The following PTPRM variants were observed in gnomAD, a reference collection of about 807,000 sequenced individuals.
PTPRM encodes protein tyrosine phosphatase receptor type M.
Under a neutral mutation model 186.7 loss-of-function variants are expected in PTPRM, and 47 were observed. The ratio of observed to expected loss-of-function variants is 0.25; its 90% confidence interval spans 0.20 to 0.32. PTPRM has a LOEUF of 0.32. PTPRM is among the 10% of genes least tolerant of loss of function. PTPRM has a pLI of 1.00. For synonymous variants in PTPRM, 668 were observed against 674.9 expected (o/e 0.99, Z 0.16); for missense variants, 1,494 against 1,865.0 (o/e 0.80, Z 3.66).
At chr18:8,259,369 C>G (rs972967457) in intron 19 of PTPRM, among the ~76,000 whole-genome samples, 10 of 152,120 alleles carry the variant, frequency 6.6e-5, no homozygotes, top group African/African-American at 2.4e-4. Context: ...AAACATTATG[C>G]CAGAATCTTC....
intron 4 of PTPRM, among the ~76,000 whole-genome samples, chr18:7,914,404 C>T (rs935024243): frequency 6.6e-6 from 1 of 152,000 alleles, no homozygotes; most frequent in Non-Finnish European, 1.5e-5. Flanking sequence ...TCAAGGAAAA[C>T]AAAACTGACT....
chr18:7,879,564 T>A (rs563736894), intron 2 of PTPRM, among the ~76,000 whole-genome samples: 72 of 152,300 alleles, frequency 4.7e-4, no homozygotes, highest in African/African-American at 1.7e-3. Context: ...AAATAATATA[T>A]TTTTCTTCAG....
chr18:7,873,467 C>T (rs1044442908), intron 2 of PTPRM, among the ~76,000 whole-genome samples: 1 of 152,138 alleles, frequency 6.6e-6, no homozygotes, highest in African/African-American at 2.4e-5. Flanking sequence ...TTAAACCCTC[C>T]TGGTTATAAA....
intron 14 of PTPRM, among the ~76,000 whole-genome samples, chr18:8,201,161 C>T (rs1336752561): frequency 6.6e-6 from 1 of 151,944 alleles, no homozygotes; most frequent in East Asian, 1.9e-4. Flanking sequence ...ACTAAAAATA[C>T]AAAAATTAGC....
chr18:7,672,998 T>C (rs1477132698), intron 1 of PTPRM, among the ~76,000 whole-genome samples: 1 of 152,206 alleles, frequency 6.6e-6, no homozygotes, highest in East Asian at 1.9e-4. Context: ...GAAAGAAGGC[T>C]CAGGAAGGTG....
intron 1 of PTPRM, among the ~76,000 whole-genome samples, chr18:7,679,196 T>C (rs981532309): frequency 6.6e-6 from 1 of 152,266 alleles, no homozygotes; most frequent in African/African-American, 2.4e-5. Context: ...CTAACTGCAG[T>C]CATTCATTAA....
intron 11 of PTPRM, among the ~76,000 whole-genome samples, chr18:8,093,209 C>T (rs1219789259): frequency 6.6e-6 from 1 of 152,038 alleles, no homozygotes; most frequent in Non-Finnish European, 1.5e-5. Flanking sequence ...TCCATTAACA[C>T]TACCTTCCTA....
rs80347365 is a variant in PTPRM at position 8,231,859 on chromosome 18, C to G, written c.2301-12199C>G. 9.9e-3 allele frequency among the ~76,000 whole-genome samples: 1,505 copies of G among 152,258 alleles called. 16 individuals are homozygous for G. The highest frequency in any genetic ancestry group is 0.017 in the Non-Finnish European group (1,148 of 68,014). On this transcript the variant is annotated intron_variant, in intron 14 of 32. Transcript: ENST00000580170. ...AGTTCCCATATAGTTCTAACACCCC[C>G]CTGCCAACACACACACACAGTATCC...
chr18:8,043,499 T>C (rs543354164), intron 7 of PTPRM, among the ~76,000 whole-genome samples: 128 of 152,326 alleles, frequency 8.4e-4, no homozygotes, highest in Non-Finnish European at 1.4e-3. Flanking sequence ...TATTCTAAGT[T>C]TACATTAGAA....
chr18:8,081,144 T>C (rs772421982), intron 9 of PTPRM, among the ~76,000 whole-genome samples: 5 of 152,178 alleles, frequency 3.3e-5, no homozygotes, highest in Non-Finnish European at 7.3e-5. Context: ...AAGTCAAAGA[T>C]TGCATGTTAT....
At chr18:8,173,877 T>A (rs780993279) in intron 14 of PTPRM, among the ~76,000 whole-genome samples, 1 of 152,202 alleles carries the variant, frequency 6.6e-6, no homozygotes, top group African/African-American at 2.4e-5. Context: ...AAGACCAGCC[T>A]GGCCAACATG....
intron 1 of PTPRM, among the ~76,000 whole-genome samples, chr18:7,633,591 C>CA (rs2038241504): frequency 6.6e-6 from 1 of 152,164 alleles, no homozygotes; most frequent in African/African-American, 2.4e-5. Flanking sequence ...GTGTGGTTGT[C>CA]ACACTTTGAC....
At chr18:8,143,022 A>G (rs2092800414) in intron 13 of PTPRM, among the ~76,000 whole-genome samples, 1 of 152,188 alleles carries the variant, frequency 6.6e-6, no homozygotes, top group African/African-American at 2.4e-5. Flanking sequence ...TGTGGGTGCC[A>G]GTGGTGTGAT....
At chr18:7,570,191 ATTAT>A (rs2036533686) in intron 1 of PTPRM, among the ~76,000 whole-genome samples, 1 of 152,162 alleles carries the variant, frequency 6.6e-6, no homozygotes, top group South Asian at 2.1e-4. Context: ...GTTTCACTTC[ATTAT>A]TTATTTTTCT....
At chr18:8,072,131 TTGAG>T (rs1184852333) in intron 8 of PTPRM, among the ~76,000 whole-genome samples, 1 of 152,216 alleles carries the variant, frequency 6.6e-6, no homozygotes, top group Non-Finnish European at 1.5e-5. Flanking sequence ...AGGCGTGATA[TTGAG>T]TAAGTAATAA....
chr18:8,164,333 A>C (rs1367499365), intron 14 of PTPRM, among the ~76,000 whole-genome samples: 3 of 152,230 alleles, frequency 2.0e-5, no homozygotes, highest in Non-Finnish European at 4.4e-5. Flanking sequence ...TTATTTACAA[A>C]AATATATTTC....
chr18:7,938,144 A>G (rs1470176618), intron 5 of PTPRM, among the ~76,000 whole-genome samples: 3 of 152,136 alleles, frequency 2.0e-5, no homozygotes, highest in Non-Finnish European at 4.4e-5. Context: ...TTCTCATTGG[A>G]GAGAGCTAAG....
At chr18:8,238,553 C>T (rs1457851726) in intron 14 of PTPRM, among the ~76,000 whole-genome samples, 3 of 149,836 alleles carry the variant, frequency 2.0e-5, no homozygotes, top group African/African-American at 4.9e-5. Flanking sequence ...GCATACTAAT[C>T]GTGGTTGTTT....
Position 8,143,770 on chromosome 18 carries a change from T to G in PTPRM, c.2291T>G (p.Met764Arg), listed in dbSNP as rs374147927. 1 of 1,614,094 alleles carries G rather than the reference T, an allele frequency of 6.2e-7. No homozygotes were observed. ...ATATTTCTTGGAGTTGTGTTGGTAA[T>G]GAAGAAAAGGTGAGCTCCTAGCTGT... Reference protein sequence around the residue: ...VIIFLGVVLVMKKRKLAKKRK... With the variant: ...VIIFLGVVLVRKKRKLAKKRK... Residue 764 changes from methionine (M) to arginine (R), a missense_variant, in exon 14 of 33, where the codon ATG becomes AGG. Around this residue, in one of 3 missense-constraint regions of PTPRM, gnomAD observed 1,107 missense variants for 1,350.2 expected, o/e 0.82. Transcript: ENST00000580170.
Sources: allele counts gnomAD v4.1 joint callset (sites outside exome capture counted in the v4.1 genomes callset), GRCh38; gene constraint gnomAD v4.1.1; regional missense constraint gnomAD v4.1.1; transcripts MANE v1.5; gene names NCBI Gene and HGNC (gene_info 2026-07-23, HGNC 2026-07-21).